Variants in SDCCAG8 observed in about 807,000 individuals in gnomAD.
SDCCAG8 encodes serologically defined colon cancer antigen 8.
A neutral mutation model predicts 101.8 loss-of-function variants in SDCCAG8; 74 were observed. The ratio of observed to expected loss-of-function variants is 0.73; its 90% confidence interval spans 0.60 to 0.88. SDCCAG8 has a LOEUF of 0.88. Among genes scored for constraint, SDCCAG8 ranks in the 40% least tolerant of loss-of-function variants. The pLI is 0.00. For missense variants in SDCCAG8, 787 were observed against 822.6 expected, an observed-to-expected ratio of 0.96 and a Z score of 0.53; for synonymous variants, 281 against 292.9, an observed-to-expected ratio of 0.96 and a Z score of 0.41.
intron 4 of SDCCAG8, among the ~76,000 whole-genome samples, chr1:243,282,477 A>G (rs2069152396): frequency 6.6e-6 from 1 of 152,192 alleles, no homozygotes; most frequent in Admixed American, 6.5e-5. Flanking sequence ...AAAATATTTT[A>G]TCTTATATCC....
chr1:243,257,088 A>T (rs1572776462), intron 1 of SDCCAG8, among the ~76,000 whole-genome samples: 1 of 152,190 alleles, frequency 6.6e-6, no homozygotes, highest in Non-Finnish European at 1.5e-5. Context: ...AATTGTCCAT[A>T]GGGTTATTGT....
At chr1:243,472,915 C>T (rs1188970792) in intron 16 of SDCCAG8, among the ~76,000 whole-genome samples, 1 of 152,162 alleles carries the variant, frequency 6.6e-6, no homozygotes, top group Non-Finnish European at 1.5e-5. Flanking sequence ...CATAAATGTC[C>T]ACCAGAAATT....
chr1:243,487,750 C>T (rs1665307887), intron 16 of SDCCAG8: 1 of 152,294 alleles, frequency 6.6e-6, no homozygotes, highest in African/African-American at 2.4e-5. Context: ...GCGGGGCTTC[C>T]TGGGAGCATG....
intron 16 of SDCCAG8, among the ~76,000 whole-genome samples, chr1:243,429,575 G>A (rs1212606165): frequency 6.6e-6 from 1 of 151,892 alleles, no homozygotes; most frequent in African/African-American, 2.4e-5. Context: ...ATTTTTAAGA[G>A]AATATCTCAC....
At chr1:243,326,112 GA>G (rs920776209) in intron 9 of SDCCAG8, among the ~76,000 whole-genome samples, 11 of 149,908 alleles carry the variant, frequency 7.3e-5, no homozygotes, top group African/African-American at 2.7e-4. Context: ...ACCCTCTAAG[GA>G]AAAAAAAAAT....
At position 243,266,048 on chromosome 1, in the gene SDCCAG8, T is replaced by A. The variant is rs551469766; in HGVS notation, c.68-4057T>A. Among the ~76,000 whole-genome samples the A allele has an allele frequency of 3.5e-3, 532 of 152,330 alleles. 4 individuals are homozygous for A. Among genetic ancestry groups the A allele is most frequent in the African/African-American group, 0.013 (520 of 41,568 alleles). ...AAAACGCAACAAAAATTTTTTATTG[T>A]AAATTGACAATTTATAATTGTATAA... is the stretch of plus-strand genomic sequence containing the variant. On this transcript the variant is annotated intron_variant, in intron 1 of 17. Transcript: ENST00000366541.
intron 5 of SDCCAG8, among the ~76,000 whole-genome samples, chr1:243,292,191 G>A (rs1192239167): frequency 6.6e-6 from 1 of 152,102 alleles, no homozygotes; most frequent in African/African-American, 2.4e-5. Context: ...TTATTACATA[G>A]GCATGATTGG....
At chr1:243,337,953 C>G (rs2075125301) in intron 10 of SDCCAG8, among the ~76,000 whole-genome samples, 1 of 152,160 alleles carries the variant, frequency 6.6e-6, no homozygotes, top group Non-Finnish European at 1.5e-5. Context: ...CAGGGTCTCA[C>G]TGTGTCACAT....
intron 16 of SDCCAG8, among the ~76,000 whole-genome samples, chr1:243,432,520 T>C (rs1018721203): frequency 9.2e-5 from 14 of 152,142 alleles, no homozygotes; most frequent in African/African-American, 3.4e-4. Context: ...CGTATACCCC[T>C]GAACTTAAAA....
At chr1:243,350,796 T>C (rs1317258831) in intron 12 of SDCCAG8, among the ~76,000 whole-genome samples, 1 of 152,218 alleles carries the variant, frequency 6.6e-6, no homozygotes, top group Non-Finnish European at 1.5e-5. Flanking sequence ...ATGGAACCTT[T>C]TCCCTGGAAG....
At chr1:243,427,573 G>C (rs141188000) in intron 16 of SDCCAG8, among the ~76,000 whole-genome samples, 183 of 152,102 alleles carry the variant, frequency 1.2e-3, no homozygotes, top group African/African-American at 4.3e-3. Flanking sequence ...CCATTTCCCA[G>C]CCATCCATGC....
intron 4 of SDCCAG8, among the ~76,000 whole-genome samples, chr1:243,275,706 T>G (rs2068486500): frequency 6.6e-6 from 1 of 152,088 alleles, no homozygotes; most frequent in Non-Finnish European, 1.5e-5. Context: ...GACAGAACTA[T>G]TCCCTATTAA....
chr1:243,345,973 G>A (rs962137534), intron 12 of SDCCAG8, among the ~76,000 whole-genome samples: 1 of 152,146 alleles, frequency 6.6e-6, no homozygotes, highest in African/African-American at 2.4e-5. Flanking sequence ...TGCCTTTTTA[G>A]GAGGTCACAG....
chr1:243,412,159 T>C (rs1019240388), intron 13 of SDCCAG8, among the ~76,000 whole-genome samples: 2 of 152,226 alleles, frequency 1.3e-5, no homozygotes, highest in African/African-American at 4.8e-5. Context: ...AGAGTGCCTT[T>C]CACATAAGAG....
At chr1:243,475,628 G>A (rs1662257288) in intron 16 of SDCCAG8, among the ~76,000 whole-genome samples, 2 of 152,150 alleles carry the variant, frequency 1.3e-5, no homozygotes, top group Admixed American at 1.3e-4. Context: ...CTTTCGCGAG[G>A]ACCCAAGGCT....
intron 6 of SDCCAG8, among the ~76,000 whole-genome samples, chr1:243,302,474 T>A (rs1485309779): frequency 1.3e-5 from 2 of 152,124 alleles, no homozygotes; most frequent in Admixed American, 1.3e-4. Context: ...AGGACTGCCC[T>A]TATCTATAAA....
intron 6 of SDCCAG8, among the ~76,000 whole-genome samples, chr1:243,299,736 A>G (rs1208543295): frequency 6.6e-6 from 1 of 151,168 alleles, no homozygotes; most frequent in Non-Finnish European, 1.5e-5. Context: ...TAATTTGGGT[A>G]TCTAGACCAC....
At chr1:243,327,422 A>AAATTAAAATTATAATTTATAATTTTAT (rs2074258079) in intron 9 of SDCCAG8, among the ~76,000 whole-genome samples, 4 of 108,192 alleles carry the variant, frequency 3.7e-5, no homozygotes, top group Admixed American at 8.7e-5. Context: ...AATTTTATAG[A>AAATTAAAATTATAATTTATAATTTTAT]AGTTAAAATT....
chr1:243,290,763 C>T (rs894205698), intron 5 of SDCCAG8, among the ~76,000 whole-genome samples: 9 of 152,292 alleles, frequency 5.9e-5, no homozygotes, highest in African/African-American at 1.9e-4. Context: ...GATACCACAC[C>T]AGTGTCAATT....
Sources: gnomAD v4.1 joint callset for allele counts (sites outside exome capture counted in the v4.1 genomes callset) on GRCh38, gnomAD v4.1.1 for gene constraint, MANE v1.5 for transcripts, NCBI Gene and HGNC (gene_info 2026-07-23, HGNC 2026-07-21) for gene names.